Variants in GNB4 observed in about 807,000 individuals in gnomAD.
GNB4 encodes the protein guanine nucleotide-binding protein subunit beta-4.
Under a neutral mutation model 45.2 loss-of-function variants are expected in GNB4, and 28 were observed. That is an observed-to-expected ratio of 0.62 (90% confidence interval 0.46 to 0.85). The LOEUF is 0.85. Ranked by LOEUF, GNB4 falls within the 40% of genes least tolerant of loss-of-function variation. GNB4 has a pLI of 0.00. For missense variants in GNB4, 321 were observed against 425.4 expected, an observed-to-expected ratio of 0.75 and a Z score of 2.16; for synonymous variants, 132 against 143.7, an observed-to-expected ratio of 0.92 and a Z score of 0.58.
At chr3:179,513,344 G>A in the GNB4 span, among the ~76,000 whole-genome samples, 2 of 151,538 alleles carry the variant, frequency 1.3e-5, no homozygotes, top group Non-Finnish European at 2.9e-5. Flanking sequence ...CCGCCACCTC[G>A]GTTAATTTTT....
intron 1 of GNB4, among the ~76,000 whole-genome samples, chr3:179,446,541 T>C (rs1715731109): frequency 6.6e-6 from 1 of 152,106 alleles, no homozygotes; most frequent in Admixed American, 6.5e-5. Flanking sequence ...TCTAATCGTA[T>C]TGTAATTATT....
chr3:179,397,204 A>G lies in GNB4; in HGVS notation c.*4009T>C, dbSNP rs1023067200. ...GTTAAACCAAGAATAAGCCACAAGT[A>G]TTCAATTGTGTTACAACTTAGATCT... is the stretch of plus-strand genomic sequence containing the variant. On this transcript the variant is annotated 3_prime_UTR_variant, in exon 10 of 10. Coordinates refer to ENST00000232564, the MANE Select transcript of GNB4 (RefSeq NM_021629.4). 1.3e-5 allele frequency: 2 copies of G among 152,222 alleles called. No individual in the cohort carries two copies. The highest frequency in any genetic ancestry group is 2.9e-5 in the Non-Finnish European group (2 of 68,036). The allele number at this position is 152,222 out of a possible 1,614,324, so 9.4% of individuals were successfully genotyped here. A position where few individuals can be genotyped will look rare whatever the true frequency, so the allele number is the denominator to read the frequency against.
At chr3:179,513,189 A>ATTTTTTT in the GNB4 span, among the ~76,000 whole-genome samples, 4 of 123,278 alleles carry the variant, frequency 3.2e-5, no homozygotes, top group Non-Finnish European at 4.9e-5. Flanking sequence ...ATGTGCAGCA[A>ATTTTTTT]TTTTTTTTTT....
chr3:179,488,061 A>AG, the GNB4 span, among the ~76,000 whole-genome samples: 3 of 151,880 alleles, frequency 2.0e-5, no homozygotes, highest in Non-Finnish European at 2.9e-5. Context: ...AAAAAAAAAA[A>AG]AAATCCACTT....
intron 2 of GNB4, among the ~76,000 whole-genome samples, chr3:179,423,493 A>G (rs543130460): frequency 6.6e-6 from 1 of 152,346 alleles, no homozygotes; most frequent in East Asian, 1.9e-4. Context: ...CAATGAAGTT[A>G]AGAAACTTGA....
At chr3:179,439,513 G>T (rs967613652) in intron 1 of GNB4, among the ~76,000 whole-genome samples, 2 of 151,966 alleles carry the variant, frequency 1.3e-5, no homozygotes, top group Non-Finnish European at 2.9e-5. Flanking sequence ...AAATCCTTGT[G>T]GGCCCCGAGA....
intron 8 of GNB4, among the ~76,000 whole-genome samples, chr3:179,411,906 T>C (rs935741222): frequency 6.6e-6 from 1 of 152,224 alleles, no homozygotes; most frequent in Non-Finnish European, 1.5e-5. Flanking sequence ...TTTTGGACAT[T>C]CTAGTCATAT....
At chr3:179,455,010 C>A (rs1033636436), upstream of GNB4, among the ~76,000 whole-genome samples, 12 of 152,190 alleles carry the variant, frequency 7.9e-5, no homozygotes, top group African/African-American at 2.9e-4. Context: ...TTCCCTCTTG[C>A]TCACACACAA....
the GNB4 span, among the ~76,000 whole-genome samples, chr3:179,507,174 A>AC: frequency 1.3e-5 from 2 of 152,018 alleles, no homozygotes; most frequent in African/African-American, 4.8e-5. Flanking sequence ...TTCTGCCACT[A>AC]CCCTAGTTTA....
the GNB4 span, among the ~76,000 whole-genome samples, chr3:179,475,542 G>A: frequency 6.6e-6 from 1 of 151,784 alleles, no homozygotes; most frequent in African/African-American, 2.4e-5. Flanking sequence ...GCGAGATCTC[G>A]GCTCACTGCA....
At chr3:179,458,747 T>C in the GNB4 span, among the ~76,000 whole-genome samples, 1 of 152,200 alleles carries the variant, frequency 6.6e-6, no homozygotes, top group Non-Finnish European at 1.5e-5. Context: ...TTTATATTCT[T>C]TTTATTGTTC....
chr3:179,520,043 C>T, the GNB4 span, among the ~76,000 whole-genome samples: 3 of 152,174 alleles, frequency 2.0e-5, no homozygotes, highest in South Asian at 2.1e-4. Context: ...CCCGTGGTGG[C>T]ACACCCATAT....
chr3:179,445,829 G>A (rs1299952850), intron 1 of GNB4, among the ~76,000 whole-genome samples: 1 of 152,160 alleles, frequency 6.6e-6, no homozygotes, highest in Non-Finnish European at 1.5e-5. Flanking sequence ...CTCAGTGGGA[G>A]TTTGTCCTTA....
chr3:179,507,759 C>T, the GNB4 span, among the ~76,000 whole-genome samples: 1 of 152,190 alleles, frequency 6.6e-6, no homozygotes, highest in South Asian at 2.1e-4. Flanking sequence ...CAAGCCATCT[C>T]GTGTTTACTT....
chr3:179,464,276 T>G, the GNB4 span: 3 of 510,572 alleles, frequency 5.9e-6, no homozygotes, highest in Middle Eastern at 5.0e-4. Flanking sequence ...CTAGGCAACA[T>G]AGAGAGACTC....
At chr3:179,524,807 A>T in the GNB4 span, among the ~76,000 whole-genome samples, 31 of 152,228 alleles carry the variant, frequency 2.0e-4, no homozygotes, top group African/African-American at 7.2e-4. Flanking sequence ...AGGAGCATTA[A>T]CCTTGACTAT....
chr3:179,418,722 T>C (rs570362093), intron 4 of GNB4, among the ~76,000 whole-genome samples: 8 of 152,206 alleles, frequency 5.3e-5, no homozygotes, highest in Non-Finnish European at 1.0e-4. Flanking sequence ...CATTTCCCAT[T>C]AAGATTAACC....
the GNB4 span, among the ~76,000 whole-genome samples, chr3:179,504,768 G>A: frequency 2.0e-5 from 3 of 152,124 alleles, no homozygotes; most frequent in Admixed American, 1.3e-4. Flanking sequence ...GGACCAGACC[G>A]GACACTGCAG....
rs1265789477 is a variant in GNB4, at chr3:179,398,101, G to T, written c.*3112C>A. The T allele has an allele frequency of 1.3e-5, 2 of 152,100 alleles. No individual in the cohort carries two copies. Among genetic ancestry groups the T allele is most frequent in the African/African-American group, 2.4e-5 (1 of 41,410 alleles). The allele number at this position is 152,100 out of a possible 1,614,324, so 9.4% of individuals were successfully genotyped here. ...ACAGGGTGATAACATACTTAGAAAA[G>T]AATATGTATCTCTAAAATATTCTTG... On this transcript the variant is annotated 3_prime_UTR_variant, in exon 10 of 10. Transcript: ENST00000232564.
Sources: allele counts gnomAD v4.1 joint callset (sites outside exome capture counted in the v4.1 genomes callset), GRCh38; gene constraint gnomAD v4.1.1; transcripts MANE v1.5; gene names NCBI Gene and HGNC (gene_info 2026-07-23, HGNC 2026-07-21).